The following KIAA1671 variants were observed in gnomAD, a reference collection of about 807,000 sequenced individuals.
The protein encoded by KIAA1671 is KIAA1671.
A neutral mutation model predicts 131.2 loss-of-function variants in KIAA1671; 52 were observed. The ratio of observed to expected loss-of-function variants is 0.40; its 90% CI spans 0.32 to 0.50. KIAA1671 has a LOEUF of 0.50. Among genes scored for constraint, KIAA1671 ranks in the 20% least tolerant of loss-of-function variants. The pLI is 0.73. For synonymous variants in KIAA1671, 1,003 were observed against 961.6 expected, an observed-to-expected ratio of 1.04 and a Z score of -0.80; for missense variants, 2,360 against 2,364.2, an observed-to-expected ratio of 1.00 and a Z score of 0.04.
At chr22:25,049,134 C>G in intron 5 of KIAA1671, 96 bp from the exon 6 acceptor site, 1 of 1,404,934 alleles carries the variant, frequency 7.1e-7, no homozygotes, top group Non-Finnish European at 9.5e-7. Flanking sequence ...TCTTCTTTGC[C>G]CTTTTTGGTA....
At chr22:25,082,013 G>T (rs1489820093) in intron 6 of KIAA1671, among the ~76,000 whole-genome samples, 3 of 152,152 alleles carry the variant, frequency 2.0e-5, no homozygotes, top group African/African-American at 7.2e-5. Flanking sequence ...GTGAGCTATG[G>T]AAGGCTTGAT....
chr22:25,029,121 A>T lies in KIAA1671; in HGVS notation c.1122A>T (p.Ser374=). 6.8e-7 allele frequency: 1 copy of T among 1,463,984 alleles called. No individual in the cohort carries two copies. The allele number at this position is 1,463,984 out of a possible 1,614,324, so 90.7% of individuals were successfully genotyped here. A position where few individuals can be genotyped will look rare whatever the true frequency, so the allele number is the denominator to read the frequency against. The change falls in exon 3 of 13, where the codon TCA becomes TCT. Residue 374 remains serine (S), a synonymous_variant. Coordinates refer to ENST00000358431, the MANE Select transcript of KIAA1671 (RefSeq NM_001145206.2). Reference sequence around the variant, plus strand: ...GCCCCAGAGCCCTGGTGGGGGGCTCATCTGGGGTCACCCCCAGCAATGACC... The same window carrying T: ...GCCCCAGAGCCCTGGTGGGGGGCTCTTCTGGGGTCACCCCCAGCAATGACC... The part of the protein sequence containing the change: ...MGSPRALVGG[S]SGVTPSNDQS...
chr22:25,093,842 C>T (rs867857984), intron 6 of KIAA1671, among the ~76,000 whole-genome samples: 13 of 64,112 alleles, frequency 2.0e-4, no homozygotes, highest in Admixed American at 6.2e-4. Context: ...CTGTCTGTCT[C>T]TCTCTCTCTC....
chr22:25,109,080 A>G (rs1226093945), intron 6 of KIAA1671, among the ~76,000 whole-genome samples: 1 of 151,324 alleles, frequency 6.6e-6, no homozygotes, highest in Non-Finnish European at 1.5e-5. Context: ...GATGCCTTTT[A>G]TGACCAAGCT....
At chr22:25,046,273 G>C (rs1040471957) in intron 5 of KIAA1671, among the ~76,000 whole-genome samples, 3 of 152,076 alleles carry the variant, frequency 2.0e-5, no homozygotes, top group African/African-American at 7.2e-5. Context: ...CTGCACTCCA[G>C]CTTGGGCAAC....
intron 6 of KIAA1671, among the ~76,000 whole-genome samples, chr22:25,140,943 A>T (rs1206641844): frequency 6.6e-6 from 1 of 152,170 alleles, no homozygotes; most frequent in Admixed American, 6.5e-5. Context: ...TTGGAAGAGT[A>T]GAGTTATTTT....
chr22:24,959,860 G>C lies in KIAA1671; in HGVS notation c.-208+7088G>C, dbSNP rs1053700601. 2.0e-5 allele frequency among the ~76,000 whole-genome samples: 3 copies of C among 152,118 alleles called. No homozygotes were observed. The South Asian group carries it at 6.2e-4, about 32-fold the overall frequency. On this transcript the variant is annotated intron_variant, in intron 1 of 12. Coordinates refer to ENST00000358431, the MANE Select transcript of KIAA1671 (RefSeq NM_001145206.2). The stretch of plus-strand genomic sequence containing the variant: ...TCCATTAAGAATATGAAATACGGCC[G>C]GGCGCGGTGGCTCACGCCTGTAATC...
intron 6 of KIAA1671, among the ~76,000 whole-genome samples, chr22:25,135,129 G>A (rs542803466): frequency 7.9e-5 from 12 of 152,164 alleles, no homozygotes; most frequent in Non-Finnish European, 1.3e-4. Context: ...GAATTTGAGG[G>A]CTAGTCTGCA....
At chr22:25,045,305 G>T (rs1927163483) in intron 5 of KIAA1671, among the ~76,000 whole-genome samples, 1 of 152,212 alleles carries the variant, frequency 6.6e-6, no homozygotes, top group Non-Finnish European at 1.5e-5. Flanking sequence ...TGCCCCTGGG[G>T]CACATTTGGC....
In KIAA1671 at chr22:25,040,591, C is replaced by A. The variant is rs1198700664; in HGVS notation, c.3461C>A (p.Ser1154Tyr). The A allele has an allele frequency of 1.9e-6, 3 of 1,551,630 alleles. No homozygotes were observed. Among genetic ancestry groups the A allele is most frequent in the African/African-American group, 1.4e-5 (1 of 73,016 alleles). The part of the protein sequence containing the change: ...SNWKESANKM[S>Y]PSGGAPQTTP... ...TGGAAGGAAAGTGCGAACAAGATGT[C>A]CCCCAGCGGCGGAGCTCCCCAAACC... The change falls in exon 5 of 13, where the codon TCC becomes TAC. Residue 1154 changes from serine to tyrosine, a missense_variant. Around this residue, in one of 3 missense-constraint regions of KIAA1671, gnomAD observed 1,161 missense variants for 1,204.7 expected, o/e 0.96. Coordinates refer to ENST00000358431, the MANE Select transcript of KIAA1671 (RefSeq NM_001145206.2).
At chr22:24,977,231 G>A (rs1175826687) in intron 1 of KIAA1671, among the ~76,000 whole-genome samples, 1 of 152,140 alleles carries the variant, frequency 6.6e-6, no homozygotes, top group Non-Finnish European at 1.5e-5. Context: ...TTGCAACCTC[G>A]GAATTGTGTT....
rs1314665127 is a variant in KIAA1671, at chr22:25,196,426, T to C, written c.*4025T>C. 6 of 151,898 alleles carry C rather than the reference T, an allele frequency of 4.0e-5. No homozygotes were observed. The highest frequency in any genetic ancestry group is 3.9e-4 in the Admixed American group (6 of 15,234). 9.4% of individuals were successfully genotyped at this position (151,898 alleles called of 1,614,324 possible). A position where few individuals can be genotyped will look rare whatever the true frequency, so the allele number is the denominator to read the frequency against. On this transcript the variant is annotated 3_prime_UTR_variant, in exon 13 of 13. Coordinates refer to ENST00000358431, the MANE Select transcript of KIAA1671 (RefSeq NM_001145206.2). ...ACAAATTATGCTGTTTTCTAAAGAA[T>C]TTGAACTTTTTTTTTTTTCTTTTCT...
intron 1 of KIAA1671, among the ~76,000 whole-genome samples, chr22:24,995,634 T>A (rs1924093660): frequency 6.6e-6 from 1 of 152,176 alleles, no homozygotes; most frequent in Non-Finnish European, 1.5e-5. Context: ...GCTGGGATTA[T>A]AGGCATGAGC....
intron 1 of KIAA1671, among the ~76,000 whole-genome samples, chr22:24,980,270 ATTTTT>A (rs59392276): frequency 8.4e-5 from 10 of 119,232 alleles, no homozygotes; most frequent in African/African-American, 2.9e-4. Context: ...AGTTTCTTTG[ATTTTT>A]TTTTTTTTTT....
chr22:25,183,801 C>T (rs1050904783), intron 10 of KIAA1671, among the ~76,000 whole-genome samples: 14 of 149,560 alleles, frequency 9.4e-5, no homozygotes, highest in African/African-American at 1.7e-4. Flanking sequence ...GGATTACAGG[C>T]GTGAGCCACC....
intron 6 of KIAA1671, among the ~76,000 whole-genome samples, chr22:25,143,225 C>G (rs1932831419): frequency 1.3e-5 from 2 of 152,162 alleles, no homozygotes; most frequent in South Asian, 4.1e-4. Context: ...GGCCTTGAAA[C>G]AAGAAAACCA....
At position 25,181,721 on chromosome 22, in the gene KIAA1671, G is replaced by A. The variant is rs763279; in HGVS notation, c.5097G>A (p.Glu1699=). 0.33 allele frequency: 515,061 copies of A among 1,550,932 alleles called. 87,594 individuals are homozygous for A. Among genetic ancestry groups the A allele is most frequent in the East Asian group, 0.47 (19,191 of 40,844 alleles). Residue 1699 remains glutamate, a synonymous_variant, in exon 10 of 13, where the codon GAG becomes GAA. Transcript: ENST00000358431. ...CAGAGGAGAAATCACCCAGGAAGGA[G>A]GAGTCGGATGAGGAGGAGACGGCAT... The part of the protein sequence containing the change: ...DSTEEKSPRK[E]ESDEEETASK...
chr22:24,970,779 A>G (rs1224152959), intron 1 of KIAA1671, among the ~76,000 whole-genome samples: 2 of 151,954 alleles, frequency 1.3e-5, no homozygotes, highest in East Asian at 1.9e-4. Context: ...AAGTTTATGA[A>G]TTTGTGTTGG....
chr22:25,129,176 G>A (rs1247962245), intron 6 of KIAA1671, among the ~76,000 whole-genome samples: 2 of 152,034 alleles, frequency 1.3e-5, no homozygotes, highest in Admixed American at 1.3e-4. Context: ...GGGGCGGTGG[G>A]GGGGCTCCCT....
Sources: allele counts gnomAD v4.1 joint callset (sites outside exome capture counted in the v4.1 genomes callset), GRCh38; gene constraint gnomAD v4.1.1; regional missense constraint gnomAD v4.1.1; transcripts MANE v1.5; gene names NCBI Gene and HGNC (gene_info 2026-07-23, HGNC 2026-07-21).